Variants in CA10 observed in about 807,000 individuals in gnomAD.
CA10 encodes carbonic anhydrase-related protein 10.
Under a neutral mutation model 44.2 loss-of-function variants are expected in CA10, and 14 were observed. The observed-to-expected ratio is 0.32, with a 90% CI of 0.21 to 0.50. The LOEUF (loss-of-function observed/expected upper bound fraction) is 0.50. Among genes scored for constraint, CA10 ranks in the 20% least tolerant of loss-of-function variants. The probability of loss-of-function intolerance (pLI) is 0.99; values close to 1 mark genes in which losing one functional copy is unlikely to be tolerated. For synonymous variants in CA10, 159 were observed against 141.6 expected, an observed-to-expected ratio of 1.12 and a Z score of -0.87; for missense variants, 350 against 409.7, an observed-to-expected ratio of 0.85 and a Z score of 1.26.
intron 1 of CA10, among the ~76,000 whole-genome samples, chr17:52,104,825 A>G (rs1988623021): frequency 1.3e-5 from 2 of 152,190 alleles, no homozygotes; most frequent in Admixed American, 6.5e-5. Flanking sequence ...CTTTCCGTCG[A>G]TTCATCATTT....
chr17:51,952,270 C>A (rs754911713), intron 2 of CA10, among the ~76,000 whole-genome samples: 24 of 152,188 alleles, frequency 1.6e-4, no homozygotes, highest in Admixed American at 1.3e-4. Context: ...AACAACAGAA[C>A]TTTACTGTCT....
chr17:52,103,621 CTGTT>C (rs1337349059), intron 1 of CA10, among the ~76,000 whole-genome samples: 9 of 152,180 alleles, frequency 5.9e-5, no homozygotes, highest in Admixed American at 3.3e-4. Context: ...GTGGCCATGA[CTGTT>C]TGATGCTGCA....
chr17:52,010,186 G>T, intron 2 of CA10, among the ~76,000 whole-genome samples: 1 of 151,988 alleles, frequency 6.6e-6, no homozygotes, highest in East Asian at 1.9e-4. Context: ...ATGGAAAACA[G>T]TGTGGCGATT....
intron 4 of CA10, among the ~76,000 whole-genome samples, chr17:51,672,016 T>A (rs996121795): frequency 6.6e-6 from 1 of 152,214 alleles, no homozygotes; most frequent in African/African-American, 2.4e-5. Context: ...ACTTAGGGCA[T>A]TGAGTTAACC....
chr17:51,877,633 T>C (rs1980137150), intron 3 of CA10, among the ~76,000 whole-genome samples: 1 of 152,168 alleles, frequency 6.6e-6, no homozygotes, highest in African/African-American at 2.4e-5. Context: ...CACCTGATCA[T>C]CAGGTGTGCT....
intron 2 of CA10, among the ~76,000 whole-genome samples, chr17:51,955,495 G>C (rs1983633112): frequency 6.6e-6 from 1 of 152,070 alleles, no homozygotes; most frequent in South Asian, 2.1e-4. Flanking sequence ...CCTCAAACAT[G>C]CCACTGGCTG....
At chr17:51,938,442 T>C (rs1360479037) in intron 2 of CA10, among the ~76,000 whole-genome samples, 1 of 151,838 alleles carries the variant, frequency 6.6e-6, no homozygotes, top group Non-Finnish European at 1.5e-5. Context: ...CTGATGGGAG[T>C]CTAGGTCAAG....
At chr17:52,113,708 C>T (rs745591474) in intron 1 of CA10, among the ~76,000 whole-genome samples, 55 of 152,150 alleles carry the variant, frequency 3.6e-4, no homozygotes, top group Non-Finnish European at 7.1e-4. Context: ...AATGGCCATC[C>T]TACTTCCTCT....
chr17:51,727,672 A>T (rs1281351288), intron 4 of CA10, among the ~76,000 whole-genome samples: 2 of 152,202 alleles, frequency 1.3e-5, no homozygotes, highest in African/African-American at 4.8e-5. Context: ...TGAGTTTGAT[A>T]AAGCACTTTA....
At chr17:51,814,833 C>T (rs918563237) in intron 3 of CA10, among the ~76,000 whole-genome samples, 4 of 152,158 alleles carry the variant, frequency 2.6e-5, no homozygotes, top group African/African-American at 9.7e-5. Context: ...CACTCCAACC[C>T]CCATTAAATT....
At chr17:51,918,308 T>TA (rs1222283004) in intron 3 of CA10, among the ~76,000 whole-genome samples, 4 of 152,048 alleles carry the variant, frequency 2.6e-5, no homozygotes, top group African/African-American at 4.8e-5. Flanking sequence ...TTCCTTAACT[T>TA]AAAAAAAATA....
At chr17:51,778,194 G>A (rs897684136) in intron 3 of CA10, among the ~76,000 whole-genome samples, 4 of 152,290 alleles carry the variant, frequency 2.6e-5, no homozygotes, top group African/African-American at 7.2e-5. Context: ...GATTTATGCT[G>A]TCTTCTTCTG....
At chr17:51,878,975 A>G (rs977833139) in intron 3 of CA10, among the ~76,000 whole-genome samples, 7 of 147,632 alleles carry the variant, frequency 4.7e-5, no homozygotes, top group Non-Finnish European at 7.5e-5. Context: ...ATAAAATTCT[A>G]TAATTCCCAA....
chr17:52,008,217 A>G (rs990363868), intron 2 of CA10, among the ~76,000 whole-genome samples: 1 of 151,746 alleles, frequency 6.6e-6, no homozygotes, highest in Admixed American at 6.6e-5. Flanking sequence ...AAAGTTCTAA[A>G]CCATTTGAGG....
intron 3 of CA10, among the ~76,000 whole-genome samples, chr17:51,871,532 G>A (rs960203608): frequency 5.3e-5 from 8 of 149,920 alleles, no homozygotes; most frequent in Admixed American, 2.7e-4. Context: ...GAGCCATCGC[G>A]CCCAGCCACA....
rs574656921 is a variant in CA10, at chr17:51,813,543, G to A, written c.280-65725C>T. On this transcript the variant is annotated intron_variant, in intron 3 of 8. Coordinates refer to ENST00000451037, the MANE Select transcript of CA10 (RefSeq NM_020178.5). ...GTAACTCACTCTCAGGTGACCCTAA[G>A]GTCAGTGTTATTTTCCATGGTTGTT... Among the ~76,000 whole-genome samples, 18 of 152,270 alleles carry A rather than the reference G, an allele frequency of 1.2e-4. No individual in the cohort carries two copies. In the South Asian group the frequency reaches 3.5e-3, roughly 30 times the overall value.
At chr17:51,690,241 C>A (rs1183268926) in intron 4 of CA10, among the ~76,000 whole-genome samples, 1 of 152,226 alleles carries the variant, frequency 6.6e-6, no homozygotes, top group Non-Finnish European at 1.5e-5. Flanking sequence ...AGCCACCATG[C>A]CTCGGCCCCT....
At chr17:51,809,759 C>T (rs1907282986) in intron 3 of CA10, among the ~76,000 whole-genome samples, 1 of 152,144 alleles carries the variant, frequency 6.6e-6, no homozygotes, top group Non-Finnish European at 1.5e-5. Context: ...AGAATGACCC[C>T]ATGATCATGG....
intron 3 of CA10, among the ~76,000 whole-genome samples, chr17:51,853,536 C>T (rs1489349266): frequency 6.6e-6 from 1 of 152,202 alleles, no homozygotes; most frequent in Non-Finnish European, 1.5e-5. Flanking sequence ...GGACTTAGCC[C>T]AGGTCACCTC....
Sources: gnomAD v4.1 joint callset for allele counts (sites outside exome capture counted in the v4.1 genomes callset) on GRCh38, gnomAD v4.1.1 for gene constraint, MANE v1.5 for transcripts, NCBI Gene and HGNC (gene_info 2026-07-23, HGNC 2026-07-21) for gene names.